DIAPH1: variants seen among roughly 807,000 people sequenced by gnomAD.
The protein encoded by DIAPH1 is diaphanous related formin 1.
A neutral mutation model predicts 140.7 loss-of-function variants in DIAPH1; 46 were observed. The observed-to-expected ratio is 0.33, with a 90% CI of 0.26 to 0.42. The LOEUF (loss-of-function observed/expected upper bound fraction) is 0.42. Among genes scored for constraint, DIAPH1 ranks in the 10% least tolerant of loss-of-function variants. The pLI, the probability that DIAPH1 is intolerant of heterozygous loss-of-function variation, is 1.00. For missense variants in DIAPH1, 1,310 were observed against 1,558.7 expected (o/e 0.84, Z 2.69); for synonymous variants, 565 against 551.6 (o/e 1.02, Z -0.34).
chr5:141,580,489 G>A (rs2099896584), intron 8 of DIAPH1, among the ~76,000 whole-genome samples: 1 of 151,722 alleles, frequency 6.6e-6, no homozygotes, highest in Admixed American at 6.6e-5. Context: ...CCTCATCCTA[G>A]ACAATACAGA....
chr5:141,531,151 C>T (rs1375808552), intron 19 of DIAPH1, among the ~76,000 whole-genome samples: 1 of 152,178 alleles, frequency 6.6e-6, no homozygotes, highest in African/African-American at 2.4e-5. Flanking sequence ...AACCTGCTAC[C>T]TCTCACATCC....
At chr5:141,587,386 T>C (rs1291687634) in intron 2 of DIAPH1, 189 bp from the exon 3 acceptor site, 3 of 626,906 alleles carry the variant, frequency 4.8e-6, no homozygotes, top group Non-Finnish European at 8.5e-6. Flanking sequence ...ACTGACTCTG[T>C]ACTCTCATCT....
Position 141,516,793 on chromosome 5 carries a change from T to C in DIAPH1, c.*58A>G, listed in dbSNP as rs2099885756. On this transcript the variant is annotated 3_prime_UTR_variant, in exon 28 of 28. Coordinates refer to ENST00000389054, the MANE Select transcript of DIAPH1 (RefSeq NM_005219.5). ...TCCCCTTGAGCCTTTAGGCACATGC[T>C]GCAGGGCAGGACAGTCTGCGGCTCC... 6.2e-7 allele frequency: 1 copy of C among 1,607,300 alleles called. No homozygotes were observed. The highest frequency in any genetic ancestry group is 1.1e-5 in the South Asian group (1 of 90,698).
At chr5:141,587,634 T>C (rs1420924265) in intron 2 of DIAPH1, 7 of 235,650 alleles carry the variant, frequency 3.0e-5, no homozygotes, top group African/African-American at 9.2e-5. Context: ...CAGATTTTAA[T>C]AGATACAAGC....
intron 1 of DIAPH1, among the ~76,000 whole-genome samples, chr5:141,611,835 G>C (rs2099901887): frequency 6.6e-6 from 1 of 152,216 alleles, no homozygotes; most frequent in Non-Finnish European, 1.5e-5. Context: ...GGGAGGCCCA[G>C]GCAGGTGGAT....
rs574203019 is a variant in DIAPH1 at position 141,580,642 on chromosome 5, T to C, written c.824+102A>G. ...TGGGAAGAAACACAATCTTACCTAG[T>C]ATTTATGACCGAGAGGACACCCAAC... On this transcript the variant is annotated intron_variant, in intron 8 of 27. Coordinates refer to ENST00000389054, the MANE Select transcript of DIAPH1 (RefSeq NM_005219.5). 225 of 1,159,640 alleles carry C rather than the reference T, an allele frequency of 1.9e-4. 1 individual carries two copies. In the South Asian group the frequency reaches 2.7e-3, roughly 14 times the overall value. The allele number at this position is 1,159,640 out of a possible 1,614,324, so 71.8% of individuals were successfully genotyped here. A position where few individuals can be genotyped will look rare whatever the true frequency, so the allele number is the denominator to read the frequency against.
intron 9 of DIAPH1, among the ~76,000 whole-genome samples, chr5:141,578,846 T>C (rs1030999429): frequency 1.3e-5 from 2 of 152,228 alleles, no homozygotes; most frequent in South Asian, 4.1e-4. Flanking sequence ...TATGTTATTG[T>C]AGGTCTTGGT....
intron 27 of DIAPH1, 115 bp downstream of exon 27, chr5:141,524,028 C>T: frequency 1.1e-6 from 1 of 905,814 alleles, no homozygotes; most frequent in Non-Finnish European, 1.9e-6. Flanking sequence ...GTTCTGGATG[C>T]AGGGACTAAA....
At chr5:141,518,826 C>T in intron 27 of DIAPH1, 1 of 1,006,854 alleles carries the variant, frequency 9.9e-7, no homozygotes. Context: ...CCTGCCAAAG[C>T]CCAAGTCTTA....
intron 1 of DIAPH1, among the ~76,000 whole-genome samples, chr5:141,616,341 A>T (rs570335146): frequency 4.6e-5 from 7 of 152,338 alleles, no homozygotes; most frequent in Non-Finnish European, 7.3e-5. Context: ...TAAACCCTCA[A>T]ATGCAAACAA....
intron 1 of DIAPH1, among the ~76,000 whole-genome samples, chr5:141,599,011 C>T (rs1036446002): frequency 6.6e-6 from 1 of 152,204 alleles, no homozygotes; most frequent in Non-Finnish European, 1.5e-5. Flanking sequence ...TTCACCTCTA[C>T]TTGATTCTCT....
intron 27 of DIAPH1, among the ~76,000 whole-genome samples, chr5:141,521,332 T>C (rs1177674457): frequency 6.6e-6 from 1 of 152,108 alleles, no homozygotes; most frequent in Non-Finnish European, 1.5e-5. Context: ...AATTCAGACA[T>C]GGAGATAAAG....
intron 2 of DIAPH1, 35 bp from the exon 3 acceptor site, chr5:141,587,232 T>C: frequency 1.2e-6 from 2 of 1,609,478 alleles, no homozygotes; most frequent in Non-Finnish European, 1.7e-6. Context: ...CAGTGATCCA[T>C]TTTCACTTAC....
chr5:141,541,546 G>C (rs1008990848), intron 18 of DIAPH1, among the ~76,000 whole-genome samples: 1 of 151,830 alleles, frequency 6.6e-6, no homozygotes, highest in Non-Finnish European at 1.5e-5. Flanking sequence ...AAATTAGCTG[G>C]TGGTGGTGTG....
chr5:141,541,844 C>T (rs11954658), intron 18 of DIAPH1, among the ~76,000 whole-genome samples: 26,313 of 152,022 alleles, frequency 0.17, 2,526 homozygotes, highest in Admixed American at 0.28. Flanking sequence ...AGTTACGTGA[C>T]CCAACTGTAT....
At chr5:141,537,147 GAC>G (rs1300575163) in intron 18 of DIAPH1, among the ~76,000 whole-genome samples, 2 of 151,978 alleles carry the variant, frequency 1.3e-5, no homozygotes, top group South Asian at 4.2e-4. Context: ...CAGCCTGGAT[GAC>G]AGAGAGAGTC....
chr5:141,599,277 G>C (rs971260443), intron 1 of DIAPH1, among the ~76,000 whole-genome samples: 1 of 152,120 alleles, frequency 6.6e-6, no homozygotes, highest in Non-Finnish European at 1.5e-5. Context: ...ATCATGGACG[G>C]TAATTGCAAG....
In DIAPH1 at chr5:141,566,383, T is replaced by C. The variant is rs570860976; in HGVS notation, c.2482+5045A>G. ...GAGTGGATATGAGTCAAGAGCTAAA[T>C]TGTTTGAGAAATGAGGAGTAACACG... On this transcript the variant is annotated intron_variant, in intron 18 of 27. Coordinates refer to ENST00000389054, the MANE Select transcript of DIAPH1 (RefSeq NM_005219.5). Among the ~76,000 whole-genome samples the C allele has an allele frequency of 1.3e-4, 20 of 152,262 alleles. No homozygotes were observed. The South Asian group carries it at 4.1e-3, about 32-fold the overall frequency.
At chr5:141,610,911 TAAAA>T (rs113661770) in intron 1 of DIAPH1, among the ~76,000 whole-genome samples, 1 of 127,618 alleles carries the variant, frequency 7.8e-6, no homozygotes, top group Admixed American at 7.7e-5. Context: ...CCCACCACTA[TAAAA>T]AAAAAAAAAA....
Sources: gnomAD v4.1 joint callset for allele counts (sites outside exome capture counted in the v4.1 genomes callset) on GRCh38, gnomAD v4.1.1 for gene constraint, MANE v1.5 for transcripts, NCBI Gene and HGNC (gene_info 2026-07-23, HGNC 2026-07-21) for gene names.